Variants in TRIM2 observed in about 807,000 individuals in gnomAD.
TRIM2 encodes tripartite motif-containing protein 2.
Under a neutral mutation model 75.2 loss-of-function variants are expected in TRIM2, and 20 were observed. The observed-to-expected ratio is 0.27, with a 90% CI of 0.19 to 0.39. The LOEUF is 0.39. Among genes scored for constraint, TRIM2 ranks in the 10% least tolerant of loss-of-function variants. TRIM2 has a pLI of 1.00. For missense variants in TRIM2, 660 were observed against 990.8 expected, an observed-to-expected ratio of 0.67 and a Z score of 4.48; for synonymous variants, 373 against 388.3, an observed-to-expected ratio of 0.96 and a Z score of 0.46.
chr4:153,296,196 T>G (rs187498386), intron 6 of TRIM2, among the ~76,000 whole-genome samples, 160 bp downstream of exon 6: 99 of 152,302 alleles, frequency 6.5e-4, no homozygotes, highest in African/African-American at 2.1e-3. Flanking sequence ...TAGTCGAGCT[T>G]ATGCAGTCTC....
At chr4:153,260,475 A>G (rs879679152) in intron 1 of TRIM2, among the ~76,000 whole-genome samples, 2 of 152,046 alleles carry the variant, frequency 1.3e-5, no homozygotes, top group Non-Finnish European at 2.9e-5. Context: ...TGTCTTTATG[A>G]TATATCATAA....
Position 153,336,613 on chromosome 4 carries a change from C to T in TRIM2, c.*1647C>T, listed in dbSNP as rs1287305426. On this transcript the variant is annotated 3_prime_UTR_variant, in exon 12 of 12. Coordinates refer to ENST00000338700, the MANE Select transcript of TRIM2 (RefSeq NM_015271.5). ...ACTTTGGGGTCTTCTTCACTGAAAG[C>T]ACCTTAGAACTGTACTATAAGAAAA... 4.1e-6 allele frequency: 4 copies of T among 985,644 alleles called. No homozygotes were observed. The East Asian group carries it at 3.4e-4, about 84-fold the overall frequency. 61.1% of individuals were successfully genotyped at this position (985,644 alleles called of 1,614,324 possible). A position where few individuals can be genotyped will look rare whatever the true frequency, so the allele number is the denominator to read the frequency against.
chr4:153,187,214 A>G (rs1004255263), intron 1 of TRIM2, among the ~76,000 whole-genome samples: 1 of 152,166 alleles, frequency 6.6e-6, no homozygotes, highest in Non-Finnish European at 1.5e-5. Flanking sequence ...CATTTTTTCT[A>G]TCAATGTAAA....
chr4:153,154,036 A>G (rs1728994606), intron 1 of TRIM2, among the ~76,000 whole-genome samples: 2 of 152,064 alleles, frequency 1.3e-5, no homozygotes, highest in South Asian at 2.1e-4. Context: ...TCAGTTTTAT[A>G]TTTAATTCCA....
chr4:153,282,992 G>A (rs1341474714), intron 3 of TRIM2, among the ~76,000 whole-genome samples: 1 of 151,844 alleles, frequency 6.6e-6, no homozygotes, highest in Non-Finnish European at 1.5e-5. Context: ...ATGTTGCCCA[G>A]GCTGGTCTCC....
At chr4:153,276,359 T>C (rs910524614) in intron 3 of TRIM2, 1 of 562,532 alleles carries the variant, frequency 1.8e-6, no homozygotes, top group Non-Finnish European at 3.2e-6. Flanking sequence ...ATTGTTGGTA[T>C]CCCCAGGACA....
At chr4:153,232,652 G>A (rs1450060433) in intron 1 of TRIM2, among the ~76,000 whole-genome samples, 1 of 152,202 alleles carries the variant, frequency 6.6e-6, no homozygotes, top group Non-Finnish European at 1.5e-5. Context: ...CATAGGTTGG[G>A]GCGGGGGTGG....
At chr4:153,273,270 C>CTTTTTTTTTTTGTTTTTTTTTT (rs1757200348) in intron 2 of TRIM2, among the ~76,000 whole-genome samples, 1 of 57,390 alleles carries the variant, frequency 1.7e-5, no homozygotes, top group Non-Finnish European at 3.2e-5. Context: ...TACAGTCACT[C>CTTTTTTTTTTTGTTTTTTTTTT]TTTTTTTTTT....
At chr4:153,229,013 G>C (rs575265181) in intron 1 of TRIM2, among the ~76,000 whole-genome samples, 1 of 152,256 alleles carries the variant, frequency 6.6e-6, no homozygotes, top group East Asian at 1.9e-4. Flanking sequence ...GCCTGGAAAG[G>C]GAAGAGGTGG....
At chr4:153,249,195 G>A (rs879575960) in intron 1 of TRIM2, among the ~76,000 whole-genome samples, 1 of 152,258 alleles carries the variant, frequency 6.6e-6, no homozygotes, top group Admixed American at 6.5e-5. Flanking sequence ...AACCTAGAGG[G>A]GGTGGGGGAA....
At chr4:153,253,462 G>A (rs1275822093) in intron 1 of TRIM2, among the ~76,000 whole-genome samples, 5 of 152,164 alleles carry the variant, frequency 3.3e-5, no homozygotes, top group African/African-American at 1.2e-4. Flanking sequence ...CATGGGAGGG[G>A]TTGGTACCAT....
chr4:153,333,805 G>T (rs1772013086), intron 11 of TRIM2, among the ~76,000 whole-genome samples: 1 of 152,162 alleles, frequency 6.6e-6, no homozygotes, highest in African/African-American at 2.4e-5. Flanking sequence ...CATGCTCTAG[G>T]TATTAGAAGT....
chr4:153,203,666 C>T (rs561359944), upstream of TRIM2, among the ~76,000 whole-genome samples: 14 of 151,612 alleles, frequency 9.2e-5, no homozygotes, highest in South Asian at 2.1e-3. Flanking sequence ...CCAAGGCGGG[C>T]GGATCACTTG....
In TRIM2 at chr4:153,256,002, T is replaced by C. The variant is rs185334000; in HGVS notation, c.31-14333T>C. On this transcript the variant is annotated intron_variant, in intron 1 of 11. Coordinates refer to ENST00000338700, the MANE Select transcript of TRIM2 (RefSeq NM_015271.5). ...TGGGTTGGGTGTTTGTTTGTTTGTTTGTCTGAGATGATGAAAATGTTCCAA... is the reference window on the plus strand; with the variant it reads ...TGGGTTGGGTGTTTGTTTGTTTGTTCGTCTGAGATGATGAAAATGTTCCAA... 3.3e-5 allele frequency among the ~76,000 whole-genome samples: 5 copies of C among 152,264 alleles called. No individual in the cohort carries two copies. In the East Asian group the frequency reaches 9.6e-4, roughly 29 times the overall value.
At chr4:153,225,918 T>G (rs6535909) in intron 1 of TRIM2, among the ~76,000 whole-genome samples, 44,523 of 152,184 alleles carry the variant, frequency 0.29, 10,758 homozygotes, top group African/African-American at 0.67. Flanking sequence ...TCACCCAAAC[T>G]TCAGTGCAGT....
rs115159120 is a variant in TRIM2 at position 153,159,614 on chromosome 4, T to C, written c.-49+6344T>C. 6.2e-3 allele frequency among the ~76,000 whole-genome samples: 945 copies of C among 152,338 alleles called. 13 individuals are homozygous for C. Among genetic ancestry groups the C allele is most frequent in the African/African-American group, 0.021 (893 of 41,570 alleles). On this transcript the variant is annotated intron_variant, in intron 1 of 11. Coordinates refer to the TRIM2 transcript ENST00000437508. ...AGCCACACCAGCCTAAAAATTCTTA[T>C]ATGACCATTTGAATCTCTGCTTAGA...
At chr4:153,304,851 A>G (rs1395186740) in intron 6 of TRIM2, among the ~76,000 whole-genome samples, 1 of 152,246 alleles carries the variant, frequency 6.6e-6, no homozygotes, top group Non-Finnish European at 1.5e-5. Flanking sequence ...ACAGGTGGTG[A>G]GAAGGCTTTG....
intron 1 of TRIM2, among the ~76,000 whole-genome samples, chr4:153,173,688 C>T (rs944540829): frequency 2.7e-5 from 4 of 150,620 alleles, no homozygotes; most frequent in African/African-American, 7.3e-5. Flanking sequence ...AATAATAAGG[C>T]CGGACGTGGT....
intron 10 of TRIM2, 137 bp from the exon 11 acceptor site, chr4:153,328,393 T>C: frequency 1.3e-6 from 1 of 764,330 alleles, no homozygotes; most frequent in Admixed American, 3.4e-5. Flanking sequence ...CTTGTAGATT[T>C]CATTTTCTTT....
Sources: gnomAD v4.1 joint callset for allele counts (sites outside exome capture counted in the v4.1 genomes callset) on GRCh38, gnomAD v4.1.1 for gene constraint, MANE v1.5 for transcripts, NCBI Gene and HGNC (gene_info 2026-07-23, HGNC 2026-07-21) for gene names.